The following DLG2 variants were observed in gnomAD, a reference collection of about 807,000 sequenced individuals.
The protein encoded by DLG2 is discs large MAGUK scaffold protein 2, also known as disks large homolog 2.
In DLG2, 45 loss-of-function variants were observed where a neutral mutation model predicts 132.5. The observed-to-expected ratio is 0.34, with a 90% CI of 0.27 to 0.44. DLG2 has a LOEUF of 0.44. Among genes scored for constraint, DLG2 ranks in the 20% least tolerant of loss-of-function variants. The pLI, the probability that DLG2 is intolerant of heterozygous loss-of-function variation, is 1.00. For synonymous variants in DLG2, 424 were observed against 419.6 expected, an observed-to-expected ratio of 1.01 and a Z score of -0.13; for missense variants, 1,045 against 1,196.9, an observed-to-expected ratio of 0.87 and a Z score of 1.87.
At chr11:85,172,157 G>C (rs892135355) in intron 4 of DLG2, among the ~76,000 whole-genome samples, 1 of 152,208 alleles carries the variant, frequency 6.6e-6, no homozygotes, top group Non-Finnish European at 1.5e-5. Flanking sequence ...CGGACTGGGT[G>C]AGTCCTCCCA....
chr11:84,315,980 C>A (rs954648330), intron 7 of DLG2, among the ~76,000 whole-genome samples: 1 of 152,000 alleles, frequency 6.6e-6, no homozygotes, highest in African/African-American at 2.4e-5. Context: ...AGTCATTGTT[C>A]TGTATGACAG....
chr11:83,816,762 C>T (rs993615272), intron 17 of DLG2, among the ~76,000 whole-genome samples: 5 of 152,180 alleles, frequency 3.3e-5, no homozygotes, highest in Non-Finnish European at 7.4e-5. Context: ...GGATGTTCAA[C>T]GTTTGCTTTC....
chr11:84,141,101 A>C lies in DLG2; in HGVS notation c.624+22360T>G, dbSNP rs1314752898. On this transcript the variant is annotated intron_variant, in intron 9 of 27. Transcript: ENST00000376104. The stretch of plus-strand genomic sequence containing the variant: ...GTCCAAACTTCAATAAACAATAGAG[A>C]GTTATACTTACTGTTACACTGCCAC... 4.6e-5 allele frequency among the ~76,000 whole-genome samples: 7 copies of C among 152,276 alleles called. No individual in the cohort carries two copies. In the East Asian group the frequency reaches 1.3e-3, roughly 29 times the overall value.
chr11:83,518,853 AG>A (rs1347945163), intron 21 of DLG2, among the ~76,000 whole-genome samples: 1 of 152,210 alleles, frequency 6.6e-6, no homozygotes, highest in East Asian at 1.9e-4. Context: ...AATAAAAAAA[AG>A]AAGTTTGTTC....
At chr11:85,028,119 T>C (rs944598523) in intron 6 of DLG2, among the ~76,000 whole-genome samples, 1 of 151,810 alleles carries the variant, frequency 6.6e-6, no homozygotes, top group African/African-American at 2.4e-5. Flanking sequence ...CAGCTGTCAA[T>C]GAAGAGGGAT....
chr11:85,525,895 C>A (rs1425218711), intron 3 of DLG2, among the ~76,000 whole-genome samples: 1 of 152,158 alleles, frequency 6.6e-6, no homozygotes, highest in Non-Finnish European at 1.5e-5. Flanking sequence ...CGGAGATCTA[C>A]AGAGGATCCG....
At chr11:85,499,839 C>T (rs940744878) in intron 3 of DLG2, among the ~76,000 whole-genome samples, 1 of 152,052 alleles carries the variant, frequency 6.6e-6, no homozygotes, top group Admixed American at 6.6e-5. Flanking sequence ...GAACCAAGAA[C>T]AAAAAACACA....
intron 11 of DLG2, among the ~76,000 whole-genome samples, chr11:84,006,539 A>G (rs1427236409): frequency 6.6e-6 from 1 of 151,552 alleles, no homozygotes; most frequent in Admixed American, 6.6e-5. Flanking sequence ...TTAAGTATTT[A>G]ATACTTAAGT....
intron 3 of DLG2, among the ~76,000 whole-genome samples, chr11:85,454,594 G>C (rs2092359460): frequency 6.6e-6 from 1 of 152,100 alleles, no homozygotes; most frequent in Non-Finnish European, 1.5e-5. Flanking sequence ...TCATTGTCAT[G>C]AAATCTTTGC....
Position 85,577,321 on chromosome 11 carries a change from A to C in DLG2, c.40+21336T>G, listed in dbSNP as rs576129925. Among the ~76,000 whole-genome samples, 19 of 152,268 alleles carry C rather than the reference A, an allele frequency of 1.2e-4. No homozygotes were observed. In the South Asian group the frequency reaches 3.9e-3, roughly 31 times the overall value. ...TATGGCATGATGGAGATAGTAAGAAATGGTAGGATTCCGGACTTAACTGGA... is the reference window on the plus strand; with the variant it reads ...TATGGCATGATGGAGATAGTAAGAACTGGTAGGATTCCGGACTTAACTGGA... On this transcript the variant is annotated intron_variant, in intron 3 of 27. Transcript: ENST00000376104.
intron 6 of DLG2, chr11:84,534,939 A>C (rs1313470974): frequency 1.5e-6 from 1 of 686,950 alleles, no homozygotes; most frequent in African/African-American, 1.8e-5. Flanking sequence ...AATATTGACC[A>C]ATGTCCAGAC....
chr11:85,546,515 G>T (rs2076334270), intron 3 of DLG2, among the ~76,000 whole-genome samples: 1 of 152,126 alleles, frequency 6.6e-6, no homozygotes. Context: ...GGTCTGCTTG[G>T]TCCTGAGCTG....
intron 6 of DLG2, among the ~76,000 whole-genome samples, chr11:84,699,628 A>G (rs1293356910): frequency 6.6e-6 from 1 of 151,562 alleles, no homozygotes; most frequent in African/African-American, 2.4e-5. Flanking sequence ...AATCTGGTAC[A>G]GGGAAAGTAC....
chr11:84,411,136 T>G (rs1391428712), intron 7 of DLG2, among the ~76,000 whole-genome samples: 1 of 152,134 alleles, frequency 6.6e-6, no homozygotes, highest in Non-Finnish European at 1.5e-5. Flanking sequence ...TGGAAAAACA[T>G]ACACCCTGCT....
chr11:84,498,449 CCAA>C (rs947365372), intron 7 of DLG2, among the ~76,000 whole-genome samples: 2 of 152,086 alleles, frequency 1.3e-5, no homozygotes, highest in African/African-American at 4.8e-5. Context: ...ACCCCCACCA[CCAA>C]CAACAAAATT....
chr11:83,479,426 T>C (rs2092915232), intron 22 of DLG2, among the ~76,000 whole-genome samples: 1 of 152,246 alleles, frequency 6.6e-6, no homozygotes, highest in Non-Finnish European at 1.5e-5. Context: ...ACAATACTCA[T>C]TCAAACAAAA....
At chr11:83,699,954 C>CAT (rs1214267202) in intron 18 of DLG2, among the ~76,000 whole-genome samples, 1 of 151,190 alleles carries the variant, frequency 6.6e-6, no homozygotes, top group Non-Finnish European at 1.5e-5. Context: ...CACACACACA[C>CAT]ACACACACAC....
chr11:85,249,230 T>C (rs2076280960), intron 4 of DLG2, among the ~76,000 whole-genome samples: 1 of 151,968 alleles, frequency 6.6e-6, no homozygotes, highest in Non-Finnish European at 1.5e-5. Flanking sequence ...GTAATGTAAA[T>C]TTGCCATTAG....
At chr11:83,625,023 G>A (rs1263586308) in intron 19 of DLG2, among the ~76,000 whole-genome samples, 2 of 152,172 alleles carry the variant, frequency 1.3e-5, no homozygotes, top group African/African-American at 4.8e-5. Context: ...TTCCTATTCT[G>A]CTGCAACATA....
Sources: allele counts gnomAD v4.1 joint callset (sites outside exome capture counted in the v4.1 genomes callset), GRCh38; gene constraint gnomAD v4.1.1; transcripts MANE v1.5; gene names NCBI Gene and HGNC (gene_info 2026-07-23, HGNC 2026-07-21).